Variants in GALNT8 observed in about 807,000 individuals in gnomAD.
The protein encoded by GALNT8 is probable polypeptide N-acetylgalactosaminyltransferase 8.
GALNT8 carries 66 observed loss-of-function variants against 62.7 expected under a neutral mutation model. The observed-to-expected ratio is 1.05, with a 90% CI of 0.86 to 1.29. The LOEUF (loss-of-function observed/expected upper bound fraction) is 1.29. Among genes scored for constraint, GALNT8 ranks in the 50% most tolerant of loss-of-function variants. The pLI is 0.00. For synonymous variants in GALNT8, 288 were observed against 294.3 expected (o/e 0.98, Z 0.22); for missense variants, 771 against 791.8 (o/e 0.97, Z 0.32).
intron 2 of GALNT8, among the ~76,000 whole-genome samples, chr12:4,729,159 T>A (rs1946209580): frequency 6.6e-6 from 1 of 152,188 alleles, no homozygotes; most frequent in Non-Finnish European, 1.5e-5. Context: ...TTATTTAAAT[T>A]GGCAAAATTG....
intron 6 of GALNT8, among the ~76,000 whole-genome samples, chr12:4,758,408 G>A (rs1279746025): frequency 2.0e-5 from 3 of 152,032 alleles, no homozygotes; most frequent in Non-Finnish European, 4.4e-5. Flanking sequence ...TGAGCACCTT[G>A]TATATTTCAC....
chr12:4,732,989 C>T (rs984239137), intron 2 of GALNT8, among the ~76,000 whole-genome samples: 9 of 136,706 alleles, frequency 6.6e-5, no homozygotes, highest in Non-Finnish European at 1.3e-4. Flanking sequence ...AAATTATTTG[C>T]TTGAGGTGGT....
chr12:4,772,032 T>C (rs1946426957), intron 10 of GALNT8, among the ~76,000 whole-genome samples: 1 of 152,130 alleles, frequency 6.6e-6, no homozygotes, highest in Admixed American at 6.5e-5. Flanking sequence ...CACAACACAG[T>C]TTCCCTGAAG....
rs555967319 is a variant in GALNT8, at chr12:4,768,904, T to C, written c.1761+3358T>C. Reference sequence around the variant, plus strand: ...AGTTACCAAAGAAATTTTCCAAAATTGAGAGGGAGATGAGACTAGATCATC... The same window carrying C: ...AGTTACCAAAGAAATTTTCCAAAATCGAGAGGGAGATGAGACTAGATCATC... On this transcript the variant is annotated intron_variant, in intron 10 of 10. Transcript: ENST00000252318. Among the ~76,000 whole-genome samples, 10 of 152,320 alleles carry C rather than the reference T, an allele frequency of 6.6e-5. No homozygotes were observed. In the East Asian group the frequency reaches 1.7e-3, roughly 26 times the overall value.
intron 4 of GALNT8, among the ~76,000 whole-genome samples, 171 bp from the exon 5 acceptor site, chr12:4,745,258 G>A (rs901479690): frequency 7.2e-5 from 11 of 152,144 alleles, no homozygotes; most frequent in East Asian, 1.9e-4. Context: ...CAGCTATCCC[G>A]AAAGGTTACA....
chr12:4,761,068 T>A lies in GALNT8; in HGVS notation c.1284T>A (p.Asn428Lys). 2 of 1,614,022 alleles carry A rather than the reference T, an allele frequency of 1.2e-6. No individual in the cohort carries two copies. The highest frequency in any genetic ancestry group is 1.7e-6 in the Non-Finnish European group (2 of 1,179,992). ...ALDLTAALKR[N>K]ALRVAEIWMD... Reference sequence around the variant, plus strand: ...ATCTCACCGCTGCCTTGAAGCGCAATGCTCTGCGAGTGGCCGAAATCTGGA... The same window carrying A: ...ATCTCACCGCTGCCTTGAAGCGCAAAGCTCTGCGAGTGGCCGAAATCTGGA... Residue 428 changes from asparagine to lysine, a missense_variant, in exon 7 of 11, where the codon AAT becomes AAA. Coordinates refer to ENST00000252318, the MANE Select transcript of GALNT8 (RefSeq NM_017417.2).
intron 6 of GALNT8, among the ~76,000 whole-genome samples, chr12:4,758,635 TGTGAGAGA>T (rs1182855976): frequency 6.4e-3 from 301 of 47,254 alleles, no homozygotes; most frequent in Middle Eastern, 0.041. Context: ...TGTGTGTGTG[TGTGAGAGA>T]GAGAGAGAGA....
At position 4,772,454 on chromosome 12, in the gene GALNT8, G is replaced by A; in HGVS notation, c.1771G>A (p.Val591Ile). ...CTCTCTTCCCCTCCAGGGAGGAGCT[G>A]TCATAAACAGAGATACCAAGCGGTG... ...IYWDFKPGGA[V>I]INRDTKRCLE... The change falls in exon 11 of 11, where the codon GTC becomes ATC. Residue 591 changes from valine (V) to isoleucine (I), a missense_variant. Coordinates refer to ENST00000252318, the MANE Select transcript of GALNT8 (RefSeq NM_017417.2). 1 of 1,613,710 alleles carries A rather than the reference G, an allele frequency of 6.2e-7. No individual in the cohort carries two copies. Among genetic ancestry groups the A allele is most frequent in the Non-Finnish European group, 8.5e-7 (1 of 1,179,894 alleles).
intron 6 of GALNT8, among the ~76,000 whole-genome samples, chr12:4,758,625 TGTGTGTGTGTGTGAGA>T (rs1170440019): frequency 1.1e-5 from 1 of 92,600 alleles, no homozygotes; most frequent in Non-Finnish European, 2.4e-5. Context: ...TGTGTGTGTG[TGTGTGTGTGTGTGAGA>T]GAGAGAGAGA....
intron 2 of GALNT8, among the ~76,000 whole-genome samples, chr12:4,730,175 C>T (rs553599392): frequency 9.9e-5 from 15 of 152,064 alleles, no homozygotes; most frequent in African/African-American, 3.4e-4. Context: ...TCTCTTCATT[C>T]TTTTGATTTT....
At position 4,726,811 on chromosome 12, in the gene GALNT8, C is replaced by A; in HGVS notation, c.491C>A (p.Pro164His). The change falls in exon 2 of 11, where the codon CCC becomes CAC. Residue 164 changes from proline to histidine, a missense_variant. Transcript: ENST00000252318. The surrounding 1 kb of genome is among the most constrained non-coding windows in gnomAD (Gnocchi z 4.1). ...SNQLPLNRTIPDTRDYRCLRK... is the reference protein window; with the variant it reads ...SNQLPLNRTIHDTRDYRCLRK... ...CAGCTGCCTCTCAATCGCACCATCC[C>A]CGACACGCGAGACTACAGGTGGGAT... is the stretch of plus-strand genomic sequence containing the variant. 1 of 1,612,860 alleles carries A rather than the reference C, an allele frequency of 6.2e-7. No individual in the cohort carries two copies.
chr12:4,721,670 C>T (rs374762538), intron 1 of GALNT8, among the ~76,000 whole-genome samples: 5 of 152,166 alleles, frequency 3.3e-5, no homozygotes, highest in Admixed American at 1.3e-4. Context: ...GGTTTTACAC[C>T]GAGACATTCC....
chr12:4,729,616 C>CT (rs945225942), intron 2 of GALNT8, among the ~76,000 whole-genome samples: 56 of 152,056 alleles, frequency 3.7e-4, no homozygotes, highest in African/African-American at 1.2e-3. Context: ...GAATTTCCTT[C>CT]TTTTTTTGTG....
intron 6 of GALNT8, among the ~76,000 whole-genome samples, chr12:4,750,119 A>AT (rs535212140): frequency 2.6e-5 from 4 of 151,382 alleles, no homozygotes; most frequent in South Asian, 2.1e-4. Context: ...TGTTTCATTG[A>AT]TTTTTTTGTA....
At chr12:4,740,624 A>G (rs1392090097) in intron 3 of GALNT8, among the ~76,000 whole-genome samples, 1 of 152,108 alleles carries the variant, frequency 6.6e-6, no homozygotes, top group African/African-American at 2.4e-5. Flanking sequence ...GGGTTTCACC[A>G]TGTTGGCCAA....
intron 10 of GALNT8, among the ~76,000 whole-genome samples, chr12:4,766,309 ACCC>A (rs2137545333): frequency 6.6e-6 from 1 of 152,202 alleles, no homozygotes; most frequent in African/African-American, 2.4e-5. Flanking sequence ...CAATTTCCTT[ACCC>A]TCTCTGAAGC....
intron 6 of GALNT8, among the ~76,000 whole-genome samples, chr12:4,750,798 C>G (rs1946319298): frequency 6.6e-6 from 1 of 152,106 alleles, no homozygotes; most frequent in Non-Finnish European, 1.5e-5. Context: ...CAACAGTGTA[C>G]AAGCATTCCT....
chr12:4,746,108 T>A (rs1320889312), intron 5 of GALNT8, 36 bp from the exon 6 acceptor site: 2 of 1,226,928 alleles, frequency 1.6e-6, no homozygotes, highest in Admixed American at 3.4e-5. Flanking sequence ...CCGCTCCTTA[T>A]GGAGAGATTA....
chr12:4,759,542 CT>C (rs949319842), intron 6 of GALNT8, among the ~76,000 whole-genome samples: 1 of 150,334 alleles, frequency 6.7e-6, no homozygotes. Context: ...CAAAGCCTTG[CT>C]TTTTTTTCTT....
Sources: gnomAD v4.1 joint callset for allele counts (sites outside exome capture counted in the v4.1 genomes callset) on GRCh38, gnomAD v4.1.1 for gene constraint, Gnocchi (gnomAD v3.1) non-coding constraint, MANE v1.5 for transcripts, NCBI Gene and HGNC (gene_info 2026-07-23, HGNC 2026-07-21) for gene names.